Variants in PCDHGB2 observed in about 807,000 individuals in gnomAD.
PCDHGB2 encodes protocadherin gamma subfamily B, 2, also known as protocadherin gamma-B2.
In PCDHGB2, 55 loss-of-function variants were observed where a neutral mutation model predicts 59.3. That is an observed-to-expected ratio of 0.93 (90% CI 0.75 to 1.16). PCDHGB2 has a LOEUF of 1.16. Ranked by LOEUF, PCDHGB2 falls within the 50% of genes most tolerant of loss-of-function variation. The probability of loss-of-function intolerance (pLI) is 0.00; values close to 1 mark genes in which losing one functional copy is unlikely to be tolerated. For synonymous variants in PCDHGB2, 516 were observed against 512.0 expected, an observed-to-expected ratio of 1.01 and a Z score of -0.11; for missense variants, 1,228 against 1,198.5, an observed-to-expected ratio of 1.02 and a Z score of -0.36.
At chr5:141,397,361 G>A (rs2093513931) in intron 1 of PCDHGB2, among the ~76,000 whole-genome samples, 1 of 152,164 alleles carries the variant, frequency 6.6e-6, no homozygotes. Flanking sequence ...TCAGGAAGAG[G>A]AGATGTTTGG....
At chr5:141,390,039 C>A (rs2092026934) in intron 1 of PCDHGB2, 2 of 1,614,048 alleles carry the variant, frequency 1.2e-6, no homozygotes, top group Non-Finnish European at 1.7e-6. Flanking sequence ...CTCCTCCAGC[C>A]CCGCCTCCTG....
At chr5:141,469,372 C>A (rs780872014) in intron 1 of PCDHGB2, among the ~76,000 whole-genome samples, 1 of 151,990 alleles carries the variant, frequency 6.6e-6, no homozygotes, top group East Asian at 1.9e-4. Context: ...GTAAAGAGAT[C>A]GAGACCATCC....
At position 141,491,832 on chromosome 5, in the gene PCDHGB2, C is replaced by T. The variant is rs755882255; in HGVS notation, c.2422-2975C>T. On this transcript the variant is annotated intron_variant, in intron 1 of 3. Coordinates refer to ENST00000522605, the MANE Select transcript of PCDHGB2 (RefSeq NM_018923.3). The surrounding 1 kb of genome is among the most constrained non-coding windows in gnomAD (Gnocchi z 6.9). ...GTCGCTGGCTGCGCTCCACCCGATT[C>T]TCGGGATCATTGGACCGTTTGCGCG... 1.6e-5 allele frequency: 24 copies of T among 1,474,306 alleles called. No individual in the cohort carries two copies. The highest frequency in any genetic ancestry group is 2.0e-5 in the Non-Finnish European group (22 of 1,112,688). 91.3% of individuals were successfully genotyped at this position (1,474,306 alleles called of 1,614,324 possible). A position where few individuals can be genotyped will look rare whatever the true frequency, so the allele number is the denominator to read the frequency against.
At chr5:141,384,528 C>T in intron 1 of PCDHGB2, 2 of 1,614,254 alleles carry the variant, frequency 1.2e-6, no homozygotes, top group Non-Finnish European at 1.7e-6. Context: ...CGCCTCTCAG[C>T]AGCAACATGT....
chr5:141,455,037 C>T (rs1251627513), intron 1 of PCDHGB2, among the ~76,000 whole-genome samples: 1 of 151,744 alleles, frequency 6.6e-6, no homozygotes, highest in Non-Finnish European at 1.5e-5. Flanking sequence ...TGGTCTCGAT[C>T]TCCTGACCTC....
chr5:141,390,388 G>A, intron 1 of PCDHGB2: 1 of 1,423,474 alleles, frequency 7.0e-7, no homozygotes, highest in African/African-American at 1.4e-5. Flanking sequence ...TAGATGTCAT[G>A]GATCATTTTA....
intron 1 of PCDHGB2, chr5:141,388,917 G>C: frequency 6.2e-7 from 1 of 1,614,026 alleles, no homozygotes. Flanking sequence ...CGCCCCAGAA[G>C]TGATATTCCA....
At position 141,361,064 on chromosome 5, in the gene PCDHGB2, A is replaced by C; in HGVS notation, c.929A>C (p.Glu310Ala). 1 of 1,613,918 alleles carries C rather than the reference A, an allele frequency of 6.2e-7. No individual in the cohort carries two copies. The highest frequency in any genetic ancestry group is 8.5e-7 in the Non-Finnish European group (1 of 1,179,836). ...EITTKDDLDF[E>A]IASSYTLSIE... Reference sequence around the variant, plus strand: ...ACGACAAAGGATGATTTGGATTTTGAGATTGCAAGTAGTTACACTCTGAGT... The same window carrying C: ...ACGACAAAGGATGATTTGGATTTTGCGATTGCAAGTAGTTACACTCTGAGT... Residue 310 changes from glutamate to alanine, a missense_variant, in exon 1 of 4, where the codon GAG becomes GCG. This residue lies in a region of PCDHGB2 where 781 missense variants were observed against 721.6 expected (regional missense o/e 1.08). Coordinates refer to ENST00000522605, the MANE Select transcript of PCDHGB2 (RefSeq NM_018923.3).
chr5:141,475,870 C>CAGTT, intron 1 of PCDHGB2: 1 of 511,190 alleles, frequency 2.0e-6, no homozygotes, highest in East Asian at 3.3e-5. Context: ...ATTCTTCGTG[C>CAGTT]AGTTATTGGC....
chr5:141,488,846 C>T (rs1359759383), intron 1 of PCDHGB2, among the ~76,000 whole-genome samples: 1 of 152,174 alleles, frequency 6.6e-6, no homozygotes, highest in African/African-American at 2.4e-5. Flanking sequence ...GCTGAATCAA[C>T]CTGCAGCACG....
chr5:141,423,957 T>G, intron 1 of PCDHGB2: 1 of 1,183,084 alleles, frequency 8.5e-7, no homozygotes, highest in Non-Finnish European at 1.1e-6. Context: ...TTTAGTATTA[T>G]TTTTCTATTA....
At chr5:141,452,134 T>C (rs539377216) in intron 1 of PCDHGB2, among the ~76,000 whole-genome samples, 2 of 152,344 alleles carry the variant, frequency 1.3e-5, no homozygotes, top group South Asian at 2.1e-4. Flanking sequence ...ATATGGCTCA[T>C]GTGTTTTTTC....
intron 1 of PCDHGB2, among the ~76,000 whole-genome samples, chr5:141,453,827 C>T (rs2098775483): frequency 6.6e-6 from 1 of 152,320 alleles, no homozygotes; most frequent in South Asian, 2.1e-4. Flanking sequence ...AACTTGGCTG[C>T]TAGCCCTTCA....
Position 141,490,479 on chromosome 5 carries a change from C to A in PCDHGB2, c.2422-4328C>A. 6.2e-7 allele frequency: 1 copy of A among 1,614,216 alleles called. No homozygotes were observed. Among genetic ancestry groups the A allele is most frequent in the South Asian group, 1.1e-5 (1 of 91,086 alleles). On this transcript the variant is annotated intron_variant, in intron 1 of 3. Transcript: ENST00000522605. The surrounding 1 kb of genome is among the most constrained non-coding windows in gnomAD (Gnocchi z 5.4). ...CGCTGCTAACCAGCCAGCCTTTGGA[C>A]CGGGAGGCCACATCCCACTATATCA...
Position 141,362,075 on chromosome 5 carries a change from G to C in PCDHGB2, c.1940G>C (p.Arg647Pro), listed in dbSNP as rs533999436. 2 of 1,612,964 alleles carry C rather than the reference G, an allele frequency of 1.2e-6. No individual in the cohort carries two copies. The highest frequency in any genetic ancestry group is 2.7e-5 in the African/African-American group (2 of 75,038). The change falls in exon 1 of 4, where the codon CGT becomes CCT. Residue 647 changes from arginine to proline, a missense_variant. Around this residue, in one of 3 missense-constraint regions of PCDHGB2, gnomAD observed 433 missense variants for 441.8 expected, o/e 0.98. Transcript: ENST00000522605. ...CGCCAGCGCCTGCTGGTCGCTGTGCGTGATGGAGGACAGCCGCCACTCTCC... is the reference window on the plus strand; with the variant it reads ...CGCCAGCGCCTGCTGGTCGCTGTGCCTGATGGAGGACAGCCGCCACTCTCC... Reference protein sequence around the residue: ...AARQRLLVAVRDGGQPPLSAT... With the variant: ...AARQRLLVAVPDGGQPPLSAT...
intron 1 of PCDHGB2, chr5:141,371,218 C>G: frequency 1.2e-6 from 2 of 1,613,994 alleles, no homozygotes; most frequent in Non-Finnish European, 1.7e-6. Flanking sequence ...GGCATCAATG[C>G]CGAAATCATC....
At position 141,409,225 on chromosome 5, in the gene PCDHGB2, C is replaced by T. The variant is rs781617309; in HGVS notation, c.2421+46669C>T. 59 of 1,613,878 alleles carry T rather than the reference C, an allele frequency of 3.7e-5. 2 individuals carry two copies. The East Asian group carries it at 1.1e-3, about 30-fold the overall frequency. On this transcript the variant is annotated intron_variant, in intron 1 of 3. Coordinates refer to ENST00000522605, the MANE Select transcript of PCDHGB2 (RefSeq NM_018923.3). ...TAATCATAGAAATCCTTGATGAAAA[C>T]GACAACAGCCCAGAAATAATCATCA...
rs539348000 is a variant in PCDHGB2 at position 141,504,908 on chromosome 5, G to A, written c.2481-485G>A. 5.9e-5 allele frequency among the ~76,000 whole-genome samples: 9 copies of A among 152,208 alleles called. No homozygotes were observed. In the East Asian group the frequency reaches 1.7e-3, roughly 29 times the overall value. On this transcript the variant is annotated intron_variant, in intron 2 of 3. Coordinates refer to ENST00000522605, the MANE Select transcript of PCDHGB2 (RefSeq NM_018923.3). Reference sequence around the variant, plus strand: ...AGGTCTGATCTCCCTCACTATGACAGGAAGCCAGGCTCTCTCATGGTGGGT... The same window carrying A: ...AGGTCTGATCTCCCTCACTATGACAAGAAGCCAGGCTCTCTCATGGTGGGT...
intron 1 of PCDHGB2, chr5:141,403,711 G>A: frequency 6.2e-7 from 1 of 1,613,930 alleles, no homozygotes; most frequent in South Asian, 1.1e-5. Context: ...AAGTCCTTGA[G>A]AACGTGCCCC....
Sources: allele counts gnomAD v4.1 joint callset (sites outside exome capture counted in the v4.1 genomes callset), GRCh38; gene constraint gnomAD v4.1.1; regional missense constraint gnomAD v4.1.1; non-coding constraint Gnocchi (gnomAD v3.1); transcripts MANE v1.5; gene names NCBI Gene and HGNC (gene_info 2026-07-23, HGNC 2026-07-21).